CELF2: variants seen among roughly 807,000 people sequenced by gnomAD.
CELF2 encodes the protein CUGBP Elav-like family member 2, also known as CUG triplet repeat RNA-binding protein 2.
In CELF2, 8 loss-of-function variants were observed where a neutral mutation model predicts 62.6. The ratio of observed to expected loss-of-function variants is 0.13; its 90% CI spans 0.07 to 0.23. CELF2 has a LOEUF of 0.23. CELF2 is among the 10% of genes least tolerant of loss of function. The probability of loss-of-function intolerance (pLI) is 1.00; values close to 1 mark genes in which losing one functional copy is unlikely to be tolerated. For missense variants in CELF2, 333 were observed against 671.0 expected (o/e 0.50, Z 5.56); for synonymous variants, 258 against 250.0 (o/e 1.03, Z -0.30).
chr10:10,874,394 G>A (rs924275606), intron 1 of CELF2, among the ~76,000 whole-genome samples: 7 of 149,904 alleles, frequency 4.7e-5, no homozygotes, highest in African/African-American at 1.2e-4. Context: ...AAGAAAGAAC[G>A]CACTGTATTA....
chr10:10,906,720 T>TTC (rs1554877085), intron 1 of CELF2, among the ~76,000 whole-genome samples: 2 of 141,124 alleles, frequency 1.4e-5, no homozygotes, highest in East Asian at 2.1e-4. Flanking sequence ...TTCTTTTCTT[T>TTC]TTTTTTTTTT....
At chr10:11,035,655 C>A (rs2060827127) in intron 1 of CELF2, among the ~76,000 whole-genome samples, 1 of 152,188 alleles carries the variant, frequency 6.6e-6, no homozygotes, top group Non-Finnish European at 1.5e-5. Context: ...ATTGCTCTTT[C>A]TCCTACCGTG....
chr10:10,477,493 T>C, the CELF2 span, among the ~76,000 whole-genome samples: 1 of 152,096 alleles, frequency 6.6e-6, no homozygotes, highest in East Asian at 1.9e-4. Flanking sequence ...GGGCATTCAG[T>C]CATCCAGAAT....
chr10:10,911,899 C>T (rs1591817045), intron 1 of CELF2, among the ~76,000 whole-genome samples: 1 of 152,214 alleles, frequency 6.6e-6, no homozygotes, highest in East Asian at 1.9e-4. Flanking sequence ...GAGAGGCTGG[C>T]CTCTGTAGCG....
chr10:10,872,731 A>T (rs973143894), intron 1 of CELF2, among the ~76,000 whole-genome samples: 4 of 152,036 alleles, frequency 2.6e-5, no homozygotes, highest in Non-Finnish European at 1.5e-5. Flanking sequence ...TTATGGAAAA[A>T]TTTTTTTTGC....
intron 2 of CELF2, among the ~76,000 whole-genome samples, chr10:10,982,899 G>GGT (rs1435382886): frequency 1.4e-5 from 2 of 143,706 alleles, no homozygotes; most frequent in African/African-American, 5.0e-5. Flanking sequence ...GAAATTTTCT[G>GGT]GTGTGTGTTT....
At chr10:10,648,127 C>T in the CELF2 span, among the ~76,000 whole-genome samples, 647 of 152,304 alleles carry the variant, frequency 4.2e-3, 3 homozygotes, top group African/African-American at 0.015. Flanking sequence ...CACCACCTTG[C>T]AGCAATGTAA....
intron 1 of CELF2, among the ~76,000 whole-genome samples, chr10:11,059,755 G>A (rs986712724): frequency 3.3e-5 from 5 of 152,178 alleles, no homozygotes; most frequent in African/African-American, 9.7e-5. Context: ...AGAGTGAAGG[G>A]TAGTGCTTTC....
chr10:11,164,663 C>CT (rs536182158), intron 1 of CELF2, among the ~76,000 whole-genome samples: 20,642 of 141,244 alleles, frequency 0.15, 2,386 homozygotes, highest in East Asian at 0.64. Flanking sequence ...TCTGGGGCTG[C>CT]TTTTTTTTTT....
chr10:10,986,447 A>G (rs1266860911), intron 2 of CELF2, among the ~76,000 whole-genome samples: 1 of 152,216 alleles, frequency 6.6e-6, no homozygotes, highest in Admixed American at 6.5e-5. Context: ...CATATGAGAT[A>G]AATGCGTTAC....
chr10:11,129,614 A>C (rs1404761674), intron 1 of CELF2, among the ~76,000 whole-genome samples: 1 of 152,032 alleles, frequency 6.6e-6, no homozygotes, highest in Non-Finnish European at 1.5e-5. Flanking sequence ...GGGAGGGTGT[A>C]TGTGTCGAGG....
At chr10:11,301,631 G>A (rs573916586) in intron 9 of CELF2, among the ~76,000 whole-genome samples, 4 of 148,756 alleles carry the variant, frequency 2.7e-5, no homozygotes, top group East Asian at 2.0e-4. Context: ...GCAGAGTGGC[G>A]GCCTGGGAGC....
chr10:10,570,074 C>T, the CELF2 span, among the ~76,000 whole-genome samples: 1 of 152,122 alleles, frequency 6.6e-6, no homozygotes, highest in African/African-American at 2.4e-5. Flanking sequence ...CAATCTAGTG[C>T]CTCCCACATT....
chr10:11,324,078 G>A lies in CELF2; in HGVS notation c.1295-1758G>A, dbSNP rs1284676995. ...GCAAAAGGACAAAACCTACTTGTGT[G>A]CGTTTACTGGTCTCTCTGTTTCCTT... On this transcript the variant is annotated intron_variant, in intron 11 of 12. Coordinates refer to ENST00000633077, the MANE Select transcript of CELF2 (RefSeq NM_001326342.2). This position sits in a 1 kb window ranked among gnomAD's most constrained non-coding sequence, Gnocchi z 4.7. 6.6e-6 allele frequency among the ~76,000 whole-genome samples: 1 copy of A among 152,158 alleles called. No homozygotes were observed. Among genetic ancestry groups the A allele is most frequent in the African/African-American group, 2.4e-5 (1 of 41,436 alleles).
the CELF2 span, among the ~76,000 whole-genome samples, chr10:10,724,625 C>T: frequency 7.2e-6 from 1 of 139,400 alleles, no homozygotes; most frequent in Non-Finnish European, 1.5e-5. Context: ...TATTGCACTC[C>T]AGCCTGGGCA....
chr10:10,697,482 C>T, the CELF2 span, among the ~76,000 whole-genome samples: 22 of 152,218 alleles, frequency 1.4e-4, no homozygotes, highest in South Asian at 4.4e-3. Context: ...TTAGTCTGTT[C>T]GGGCTGCTCT....
intron 1 of CELF2, among the ~76,000 whole-genome samples, chr10:11,020,362 T>TAG (rs1010957329): frequency 4.6e-5 from 7 of 152,244 alleles, no homozygotes; most frequent in African/African-American, 1.4e-4. Flanking sequence ...CTGAGAACAC[T>TAG]AGAGCATGCT....
the CELF2 span, chr10:10,784,494 T>A: frequency 6.6e-6 from 1 of 152,470 alleles, no homozygotes. Context: ...GTGAGATGGA[T>A]GGGGAGCTGG....
chr10:11,113,269 C>A (rs190399137), intron 1 of CELF2, among the ~76,000 whole-genome samples: 48 of 152,296 alleles, frequency 3.2e-4, no homozygotes, highest in African/African-American at 1.1e-3. Context: ...GTTTTATTCA[C>A]TGTTAAATTG....
Sources: allele counts gnomAD v4.1 joint callset (sites outside exome capture counted in the v4.1 genomes callset), GRCh38; gene constraint gnomAD v4.1.1; non-coding constraint Gnocchi (gnomAD v3.1); transcripts MANE v1.5; gene names NCBI Gene and HGNC (gene_info 2026-07-23, HGNC 2026-07-21).